Variants in CTNNA2 observed in about 807,000 individuals in gnomAD.
CTNNA2 encodes catenin alpha-2.
Under a neutral mutation model 101.0 loss-of-function variants are expected in CTNNA2, and 42 were observed. That is an observed-to-expected ratio of 0.42 (90% CI 0.32 to 0.54). The LOEUF is 0.54. Among genes scored for constraint, CTNNA2 ranks in the 20% least tolerant of loss-of-function variants. The probability of loss-of-function intolerance (pLI) is 0.14; values close to 1 mark genes in which losing one functional copy is unlikely to be tolerated. For synonymous variants in CTNNA2, 450 were observed against 456.4 expected (o/e 0.99, Z 0.18); for missense variants, 871 against 1,223.1 (o/e 0.71, Z 4.29).
intron 2 of CTNNA2, among the ~76,000 whole-genome samples, chr2:79,662,857 C>T (rs1682133688): frequency 1.3e-5 from 2 of 152,192 alleles, no homozygotes; most frequent in Non-Finnish European, 2.9e-5. Flanking sequence ...GATATCTTGA[C>T]TTTGGTGTCA....
chr2:79,510,699 A>C (rs75918212), upstream of CTNNA2, among the ~76,000 whole-genome samples: 73 of 152,342 alleles, frequency 4.8e-4, 1 homozygote, highest in East Asian at 0.012. Flanking sequence ...GAGGGAGACC[A>C]AGGGTCTGAG....
rs961503612 is a variant in CTNNA2 at position 79,421,897 on chromosome 2, A to C, written c.-135+47884A>C. On this transcript the variant is annotated intron_variant, in intron 4 of 21. Transcript: ENST00000466387. ...GTACTCTAGCAATCAGATTGGGTAT[A>C]GGAAGTATAGAGCCCATAAGATTTT... Among the ~76,000 whole-genome samples the C allele has an allele frequency of 2.6e-5, 4 of 152,296 alleles. No homozygotes were observed. The South Asian group carries it at 8.3e-4, about 32-fold the overall frequency.
chr2:79,958,282 T>G (rs979383819), intron 7 of CTNNA2, among the ~76,000 whole-genome samples: 2 of 152,208 alleles, frequency 1.3e-5, no homozygotes, highest in African/African-American at 4.8e-5. Flanking sequence ...CTAATATCTA[T>G]GAATTAGTAA....
At chr2:80,382,100 G>A (rs937857747) in intron 7 of CTNNA2, among the ~76,000 whole-genome samples, 3 of 152,262 alleles carry the variant, frequency 2.0e-5, no homozygotes, top group Non-Finnish European at 4.4e-5. Flanking sequence ...TGACTCTACC[G>A]TTGGTGAAGT....
In CTNNA2 at chr2:79,858,062, G is replaced by A. The variant is rs759308198; in HGVS notation, c.348G>A (p.Ser116=). ...ASSEFADDPC[S]SVKRGTMVRA... ...CCGAGTTTGCAGATGACCCTTGCTCGTCGGTAAAGCGCGGCACCATGGTAC... is the reference window on the plus strand; with the variant it reads ...CCGAGTTTGCAGATGACCCTTGCTCATCGGTAAAGCGCGGCACCATGGTAC... The change falls in exon 4 of 19, where the codon TCG becomes TCA. Residue 116 remains serine (S), a synonymous_variant. Transcript: ENST00000402739. 2.1e-5 allele frequency: 34 copies of A among 1,613,928 alleles called. 1 individual carries two copies. The highest frequency in any genetic ancestry group is 1.6e-4 in the Middle Eastern group (1 of 6,084).
intron 11 of CTNNA2, among the ~76,000 whole-genome samples, chr2:80,547,988 A>G (rs12714006): frequency 0.98 from 148,824 of 152,224 alleles, 72,762 homozygotes; most frequent in East Asian, 1. Context: ...CATCGCGCCC[A>G]GCCCATTTCT....
rs1432616761 is a variant in CTNNA2 at position 79,430,321 on chromosome 2, T to A, written c.-135+56308T>A. On this transcript the variant is annotated intron_variant, in intron 4 of 21. Transcript: ENST00000466387. ...ATATATCACACATCAAGGCTTCTTA[T>A]CATTGTCTAATCATTTACAAGCTCT... is the stretch of plus-strand genomic sequence containing the variant. Among the ~76,000 whole-genome samples the A allele has an allele frequency of 2.0e-5, 3 of 152,200 alleles. No homozygotes were observed. The East Asian group carries it at 5.8e-4, about 29-fold the overall frequency.
intron 7 of CTNNA2, among the ~76,000 whole-genome samples, chr2:80,343,292 G>A (rs769811833): frequency 3.3e-5 from 5 of 151,600 alleles, no homozygotes; most frequent in Admixed American, 6.6e-5. Flanking sequence ...TTAATCAGAG[G>A]AATCCATTGT....
intron 4 of CTNNA2, among the ~76,000 whole-genome samples, chr2:79,456,143 A>T (rs1364006614): frequency 6.6e-6 from 1 of 150,786 alleles, no homozygotes; most frequent in Non-Finnish European, 1.5e-5. Context: ...ATAAAATTAT[A>T]ATTTAAATTA....
intron 7 of CTNNA2, among the ~76,000 whole-genome samples, chr2:79,982,462 G>A (rs556962916): frequency 1.2e-3 from 157 of 136,166 alleles, no homozygotes; most frequent in African/African-American, 4.5e-3. Context: ...GCTTATTACA[G>A]ACTCCTAACT....
At chr2:80,425,560 A>C (rs767289181) in intron 9 of CTNNA2, among the ~76,000 whole-genome samples, 2 of 149,780 alleles carry the variant, frequency 1.3e-5, no homozygotes, top group Non-Finnish European at 2.9e-5. Flanking sequence ...AAAACCTCTG[A>C]TGAATCTCTA....
intron 2 of CTNNA2, among the ~76,000 whole-genome samples, chr2:79,214,613 C>A (rs1674222121): frequency 6.6e-6 from 1 of 151,938 alleles, no homozygotes. Context: ...GGTAATGGGC[C>A]TGTGATCAGT....
intron 11 of CTNNA2, among the ~76,000 whole-genome samples, chr2:80,549,826 A>G (rs919471884): frequency 6.6e-6 from 1 of 152,178 alleles, no homozygotes; most frequent in African/African-American, 2.4e-5. Context: ...GGCCACTGTC[A>G]GGAATGCAAA....
chr2:79,291,678 T>C (rs1026116476), intron 2 of CTNNA2, among the ~76,000 whole-genome samples: 1 of 152,200 alleles, frequency 6.6e-6, no homozygotes, highest in Non-Finnish European at 1.5e-5. Flanking sequence ...ACCTTTCTCC[T>C]AAGGAAGTGA....
At chr2:79,455,072 GA>G (rs988046894) in intron 4 of CTNNA2, among the ~76,000 whole-genome samples, 1 of 152,076 alleles carries the variant, frequency 6.6e-6, no homozygotes, top group African/African-American at 2.4e-5. Flanking sequence ...TTGAAAGCTA[GA>G]ACAGTAAAAA....
At chr2:80,200,562 G>T (rs955951931) in intron 7 of CTNNA2, among the ~76,000 whole-genome samples, 1 of 152,036 alleles carries the variant, frequency 6.6e-6, no homozygotes, top group African/African-American at 2.4e-5. Flanking sequence ...TTGAGATGGA[G>T]TCTCACTGTA....
At chr2:79,610,701 G>T (rs1034989927) in intron 1 of CTNNA2, among the ~76,000 whole-genome samples, 1 of 152,114 alleles carries the variant, frequency 6.6e-6, no homozygotes, top group African/African-American at 2.4e-5. Flanking sequence ...TTCCTGTGAA[G>T]AAGGGATGGG....
At chr2:79,561,817 A>G (rs1674799415) in intron 1 of CTNNA2, among the ~76,000 whole-genome samples, 1 of 151,542 alleles carries the variant, frequency 6.6e-6, no homozygotes, top group South Asian at 2.1e-4. Context: ...TTGTCTTTTT[A>G]TTATTGAGTT....
chr2:80,478,650 A>G (rs1287324483), intron 9 of CTNNA2, among the ~76,000 whole-genome samples: 1 of 151,958 alleles, frequency 6.6e-6, no homozygotes, highest in Non-Finnish European at 1.5e-5. Context: ...TCTCCAGGGT[A>G]TGTTCTTGTA....
Sources: gnomAD v4.1 joint callset for allele counts (sites outside exome capture counted in the v4.1 genomes callset) on GRCh38, gnomAD v4.1.1 for gene constraint, MANE v1.5 for transcripts, NCBI Gene and HGNC (gene_info 2026-07-23, HGNC 2026-07-21) for gene names.